Variants in CNTLN observed in about 807,000 individuals in gnomAD.
The protein encoded by CNTLN is centlein, centrosomal protein.
In CNTLN, 212 loss-of-function variants were observed where a neutral mutation model predicts 180.0. The observed-to-expected ratio is 1.18, with a 90% CI of 1.05 to 1.32. The LOEUF (loss-of-function observed/expected upper bound fraction) is 1.32. Ranked by LOEUF, CNTLN falls within the 40% of genes most tolerant of loss-of-function variation. The probability of loss-of-function intolerance (pLI) is 0.00; values close to 1 mark genes in which losing one functional copy is unlikely to be tolerated. For missense variants in CNTLN, 2,095 were observed against 1,610.9 expected (o/e 1.30, Z -5.14); for synonymous variants, 722 against 563.1 (o/e 1.28, Z -3.99).
At chr9:17,477,354 G>C (rs555384582) in intron 23 of CNTLN, among the ~76,000 whole-genome samples, 1 of 152,054 alleles carries the variant, frequency 6.6e-6, no homozygotes, top group Non-Finnish European at 1.5e-5. Context: ...TAAAGTTGAA[G>C]ACTTTAAAGT....
rs199882455 is a variant in CNTLN at position 17,274,459 on chromosome 9, A to ATCTATCTGTCTG, written c.983+600_983+601insGTCTGTCTATCT. 2.9e-4 allele frequency among the ~76,000 whole-genome samples: 36 copies of ATCTATCTGTCTG among 125,702 alleles called. 1 individual carries two copies. The highest frequency in any genetic ancestry group is 2.1e-3 in the Admixed American group (27 of 12,838). 82.5% of individuals were successfully genotyped at this position (125,702 alleles called of 152,430 possible). ...TTCCTTGGTTCATAGATCAATATCT[A>ATCTATCTGTCTG]TCTATCTATCTATCTATCTATCTAT... On this transcript the variant is annotated intron_variant, in intron 6 of 25. Coordinates refer to ENST00000380647, the MANE Select transcript of CNTLN (RefSeq NM_017738.4).
chr9:17,514,224 C>T, the CNTLN span, among the ~76,000 whole-genome samples: 3 of 151,474 alleles, frequency 2.0e-5, no homozygotes, highest in Admixed American at 6.6e-5. Flanking sequence ...ATGGGAGGAT[C>T]GCTTGAGTCT....
At chr9:17,378,024 A>G (rs748362638) in intron 13 of CNTLN, among the ~76,000 whole-genome samples, 3 of 152,208 alleles carry the variant, frequency 2.0e-5, no homozygotes, top group South Asian at 2.1e-4. Context: ...TCCACTTTTT[A>G]TACTCTAAAT....
chr9:17,425,835 G>A (rs902571348), intron 18 of CNTLN, among the ~76,000 whole-genome samples: 1 of 152,302 alleles, frequency 6.6e-6, no homozygotes, highest in East Asian at 1.9e-4. Flanking sequence ...TTCTAAGCAA[G>A]CATTACAGGA....
the CNTLN span, among the ~76,000 whole-genome samples, chr9:17,523,943 A>G: frequency 6.6e-6 from 1 of 152,364 alleles, no homozygotes; most frequent in East Asian, 1.9e-4. Context: ...AAAAACATTA[A>G]GAGCAGTTTT....
chr9:17,215,543 A>T (rs200093148), intron 2 of CNTLN, among the ~76,000 whole-genome samples: 2 of 152,154 alleles, frequency 1.3e-5, no homozygotes, highest in East Asian at 3.9e-4. Flanking sequence ...CAGATCTCAC[A>T]CTCCATACTG....
Position 17,332,718 on chromosome 9 carries a change from A to G in CNTLN, c.1632A>G (p.Ala544=). ...GAAAGATTGAAAACTTAGAGAAGGC[A>G]CTACAACTAAAGGTGAACATTAAAT... ...AERKIENLEK[A]LQLKSQENDE... is the part of the protein sequence containing the mutation. Residue 544 remains alanine (A), a synonymous_variant, in exon 10 of 26, where the codon GCA becomes GCG. Transcript: ENST00000380647. The G allele has an allele frequency of 6.3e-7, 1 of 1,599,962 alleles. No individual in the cohort carries two copies. The highest frequency in any genetic ancestry group is 8.5e-7 in the Non-Finnish European group (1 of 1,174,984).
chr9:17,308,498 A>G (rs1018265342), intron 7 of CNTLN, among the ~76,000 whole-genome samples: 1 of 152,062 alleles, frequency 6.6e-6, no homozygotes, highest in Non-Finnish European at 1.5e-5. Context: ...GTAGAATTCA[A>G]CATTAATTAA....
At chr9:17,479,696 T>A (rs1832535784) in intron 23 of CNTLN, among the ~76,000 whole-genome samples, 1 of 151,966 alleles carries the variant, frequency 6.6e-6, no homozygotes, top group African/African-American at 2.4e-5. Flanking sequence ...CTTACCACAA[T>A]AAAATTAGAA....
rs199694979 is a variant in CNTLN at position 17,236,600 on chromosome 9, G to A, written c.849+12G>A. On this transcript the variant is annotated intron_variant, in intron 5 of 25. Coordinates refer to ENST00000380647, the MANE Select transcript of CNTLN (RefSeq NM_017738.4). ...ATGCAAAAATAAAGGTATACAATAG[G>A]AATGGAATCCATACTCCTCTTTTGG... 6.3e-7 allele frequency: 1 copy of A among 1,585,732 alleles called. No individual in the cohort carries two copies. The highest frequency in any genetic ancestry group is 8.6e-7 in the Non-Finnish European group (1 of 1,168,508).
chr9:17,310,255 T>C (rs1004562415), intron 8 of CNTLN, among the ~76,000 whole-genome samples: 2 of 152,184 alleles, frequency 1.3e-5, no homozygotes, highest in African/African-American at 4.8e-5. Flanking sequence ...ATTTTGATTT[T>C]TTTAAACAGT....
intron 12 of CNTLN, among the ~76,000 whole-genome samples, chr9:17,354,813 T>C (rs529989521): frequency 3.9e-5 from 6 of 152,142 alleles, no homozygotes; most frequent in African/African-American, 1.4e-4. Context: ...GCTTTGTTCT[T>C]TCGCTCTTTG....
chr9:17,501,380 C>G (rs1011122998), intron 25 of CNTLN, among the ~76,000 whole-genome samples: 1 of 152,222 alleles, frequency 6.6e-6, no homozygotes, highest in Non-Finnish European at 1.5e-5. Context: ...CTCTATTTCT[C>G]TTTCATGGCT....
chr9:17,333,938 T>C (rs1194796995), intron 10 of CNTLN, among the ~76,000 whole-genome samples: 1 of 152,202 alleles, frequency 6.6e-6, no homozygotes. Flanking sequence ...TTCAAGACCC[T>C]TTCTCTAGTT....
intron 5 of CNTLN, among the ~76,000 whole-genome samples, chr9:17,249,201 G>T (rs1825980030): frequency 6.6e-6 from 1 of 151,982 alleles, no homozygotes; most frequent in Admixed American, 6.6e-5. Flanking sequence ...TTAAAATGTA[G>T]GTTCTTATGG....
intron 8 of CNTLN, among the ~76,000 whole-genome samples, chr9:17,326,819 C>T (rs1587666014): frequency 6.6e-6 from 1 of 152,088 alleles, no homozygotes; most frequent in South Asian, 2.1e-4. Flanking sequence ...AAAGGAGGGG[C>T]ATCCTACAGA....
Position 17,484,295 on chromosome 9 carries a change from G to A in CNTLN, c.3856G>A (p.Ala1286Thr), listed in dbSNP as rs201242862. The A allele has an allele frequency of 1.3e-6, 2 of 1,592,290 alleles. No individual in the cohort carries two copies. The highest frequency in any genetic ancestry group is 1.7e-6 in the Non-Finnish European group (2 of 1,174,034). Residue 1286 changes from alanine (A) to threonine (T), a missense_variant and splice_region_variant, in exon 24 of 26, where the codon GCT becomes ACT. By Grantham distance (58) the Ala-to-Thr change is moderately conservative. Transcript: ENST00000380647. The stretch of plus-strand genomic sequence containing the variant: ...TCAATTTCTTTCCAATATGTTACAG[G>A]CTTTGGCCAAAGAGTTGCAAAATGA... Reference protein sequence around the residue: ...KVEEFTTFVKALAKELQNDVH... With the variant: ...KVEEFTTFVKTLAKELQNDVH...
chr9:17,331,755 A>G (rs1041171333), intron 9 of CNTLN, among the ~76,000 whole-genome samples: 3 of 152,060 alleles, frequency 2.0e-5, no homozygotes, highest in African/African-American at 7.2e-5. Context: ...TAACTGCATT[A>G]TACATTTCTT....
At chr9:17,429,524 T>G (rs1411339604) in intron 18 of CNTLN, among the ~76,000 whole-genome samples, 2 of 152,104 alleles carry the variant, frequency 1.3e-5, no homozygotes, top group African/African-American at 2.4e-5. Context: ...TTTAAGGCAC[T>G]TAGAAATATA....
Sources: allele counts gnomAD v4.1 joint callset (sites outside exome capture counted in the v4.1 genomes callset), GRCh38; gene constraint gnomAD v4.1.1; transcripts MANE v1.5; gene names NCBI Gene and HGNC (gene_info 2026-07-23, HGNC 2026-07-21).